The following MTUS2 variants were observed in gnomAD, a reference collection of about 807,000 sequenced individuals.
The protein encoded by MTUS2 is microtubule-associated tumor suppressor candidate 2.
In MTUS2, 40 loss-of-function variants were observed where a neutral mutation model predicts 114.1. The observed-to-expected ratio is 0.35, with a 90% confidence interval of 0.27 to 0.46. MTUS2 has a LOEUF of 0.46. Ranked by LOEUF, MTUS2 falls within the 20% of genes least tolerant of loss-of-function variation. MTUS2 has a pLI of 1.00. For missense variants in MTUS2, 1,679 were observed against 1,705.4 expected (o/e 0.98, Z 0.27); for synonymous variants, 688 against 672.0 (o/e 1.02, Z -0.37).
intron 3 of MTUS2, among the ~76,000 whole-genome samples, chr13:29,027,106 T>G (rs1886595857): frequency 6.6e-6 from 1 of 152,220 alleles, no homozygotes. Context: ...CTGATTATCT[T>G]AATAAGATGT....
At chr13:28,901,734 C>T (rs979860663) in intron 2 of MTUS2, among the ~76,000 whole-genome samples, 2 of 152,102 alleles carry the variant, frequency 1.3e-5, no homozygotes, top group African/African-American at 2.4e-5. Flanking sequence ...ATGCCTCTAC[C>T]AATACCATAC....
At chr13:29,457,073 G>A (rs111895748) in intron 9 of MTUS2, among the ~76,000 whole-genome samples, 9,606 of 151,422 alleles carry the variant, frequency 0.063, 342 homozygotes, top group African/African-American at 0.087. Context: ...TGAACCCAGG[G>A]GGCGGAGCTT....
intron 5 of MTUS2, among the ~76,000 whole-genome samples, chr13:29,129,189 C>CTT (rs10610501): frequency 1.4e-5 from 2 of 138,478 alleles, no homozygotes; most frequent in Non-Finnish European, 3.1e-5. Context: ...CCCTGGCAGT[C>CTT]TTTTTTTTTT....
intron 2 of MTUS2, among the ~76,000 whole-genome samples, chr13:28,859,272 G>C (rs1876827086): frequency 6.6e-6 from 1 of 152,160 alleles, no homozygotes; most frequent in African/African-American, 2.4e-5. Context: ...TGGGAACTGT[G>C]GGCTGCTTGT....
intron 8 of MTUS2, among the ~76,000 whole-genome samples, chr13:29,363,575 G>A (rs1294968113): frequency 6.6e-6 from 1 of 152,038 alleles, no homozygotes; most frequent in Non-Finnish European, 1.5e-5. Context: ...ATAGAATAGT[G>A]GAAAGAATAA....
chr13:28,993,527 G>A (rs933262455), intron 2 of MTUS2, among the ~76,000 whole-genome samples: 2 of 152,102 alleles, frequency 1.3e-5, no homozygotes, highest in Admixed American at 6.5e-5. Context: ...TTTCTTTTAG[G>A]ATTCTTATAT....
Position 29,503,936 on chromosome 13 carries a change from G to T in MTUS2, c.*730G>T, listed in dbSNP as rs1883074590. On this transcript the variant is annotated 3_prime_UTR_variant, in exon 16 of 16. Transcript: ENST00000612955. ...GATACTCCTGTCATGAGCGGATAAG[G>T]GAGAGCAGTGGGAAACCCTAAGGGG... 1 of 231,562 alleles carries T rather than the reference G, an allele frequency of 4.3e-6. No homozygotes were observed. Among genetic ancestry groups the T allele is most frequent in the Non-Finnish European group, 8.6e-6 (1 of 116,870 alleles). 14.3% of individuals were successfully genotyped at this position (231,562 alleles called of 1,614,324 possible).
At chr13:29,245,338 C>T (rs1896881941) in intron 5 of MTUS2, among the ~76,000 whole-genome samples, 1 of 152,092 alleles carries the variant, frequency 6.6e-6, no homozygotes, top group African/African-American at 2.4e-5. Flanking sequence ...GCATTTTCCA[C>T]CAGAGAAATC....
intron 7 of MTUS2, among the ~76,000 whole-genome samples, chr13:29,342,372 A>G (rs1901446000): frequency 6.6e-6 from 1 of 151,434 alleles, no homozygotes; most frequent in African/African-American, 2.4e-5. Flanking sequence ...TTCACTCCTT[A>G]ATTAGGTGTA....
At chr13:28,952,246 TC>T (rs933229833) in intron 2 of MTUS2, among the ~76,000 whole-genome samples, 16 of 152,178 alleles carry the variant, frequency 1.1e-4, no homozygotes, top group African/African-American at 3.9e-4. Flanking sequence ...CCAACACAAC[TC>T]CCTGAGACAG....
At chr13:29,147,781 A>G (rs891765497) in intron 5 of MTUS2, among the ~76,000 whole-genome samples, 1 of 152,098 alleles carries the variant, frequency 6.6e-6, no homozygotes, top group African/African-American at 2.4e-5. Context: ...GTTCTTTGTT[A>G]TGGCTGCATA....
intron 2 of MTUS2, 140 bp from the exon 3 acceptor site, chr13:29,024,317 T>A (rs550163292): frequency 2.8e-5 from 6 of 213,330 alleles, no homozygotes; most frequent in African/African-American, 1.4e-4. Flanking sequence ...GGAGCCCTGA[T>A]CAGAAAGGTT....
At chr13:29,179,315 A>C (rs1194577893) in intron 5 of MTUS2, among the ~76,000 whole-genome samples, 1 of 152,252 alleles carries the variant, frequency 6.6e-6, no homozygotes, top group Non-Finnish European at 1.5e-5. Flanking sequence ...AACCTGAGTT[A>C]ATATGGTATG....
At chr13:29,073,084 G>T (rs1490119164) in intron 4 of MTUS2, among the ~76,000 whole-genome samples, 1 of 152,070 alleles carries the variant, frequency 6.6e-6, no homozygotes, top group African/African-American at 2.4e-5. Flanking sequence ...CGGTGGAAAA[G>T]ATGTCACTAG....
intron 9 of MTUS2, among the ~76,000 whole-genome samples, chr13:29,472,240 T>TC (rs1202387772): frequency 1.3e-5 from 2 of 152,176 alleles, no homozygotes; most frequent in Admixed American, 1.3e-4. Context: ...CAGGCTGGTC[T>TC]CCATCTCCTG....
intron 9 of MTUS2, among the ~76,000 whole-genome samples, chr13:29,476,219 C>T (rs2997402): frequency 0.056 from 8,578 of 152,232 alleles, 261 homozygotes; most frequent in South Asian, 0.065. Flanking sequence ...GCTATGCCTA[C>T]ACTCCATGAT....
intron 12 of MTUS2, among the ~76,000 whole-genome samples, chr13:29,494,940 C>T (rs1882430656): frequency 6.6e-6 from 1 of 151,906 alleles, no homozygotes; most frequent in Non-Finnish European, 1.5e-5. Flanking sequence ...ATTCCCAGCA[C>T]TTTGGGAGGC....
chr13:29,205,824 G>A (rs1895160462), intron 5 of MTUS2, among the ~76,000 whole-genome samples: 2 of 152,152 alleles, frequency 1.3e-5, no homozygotes, highest in South Asian at 4.1e-4. Flanking sequence ...GGACATTTGG[G>A]ATGATTCCAT....
intron 7 of MTUS2, among the ~76,000 whole-genome samples, chr13:29,335,420 A>G (rs1282667042): frequency 1.3e-5 from 2 of 152,080 alleles, no homozygotes; most frequent in Non-Finnish European, 2.9e-5. Context: ...TTTTAATTTT[A>G]CCCTGGTCCT....
Sources: allele counts gnomAD v4.1 joint callset (sites outside exome capture counted in the v4.1 genomes callset), GRCh38; gene constraint gnomAD v4.1.1; transcripts MANE v1.5; gene names NCBI Gene and HGNC (gene_info 2026-07-23, HGNC 2026-07-21).